Variants in ERBB4 observed in about 807,000 individuals in gnomAD.
ERBB4 encodes the protein erb-b2 receptor tyrosine kinase 4.
In ERBB4, 42 loss-of-function variants were observed where a neutral mutation model predicts 158.0. That is an observed-to-expected ratio of 0.27 (90% CI 0.21 to 0.34). The LOEUF is 0.34. Ranked by LOEUF, ERBB4 falls within the 10% of genes least tolerant of loss-of-function variation. The probability of loss-of-function intolerance (pLI) is 1.00; values close to 1 mark genes in which losing one functional copy is unlikely to be tolerated. For synonymous variants in ERBB4, 583 were observed against 558.7 expected (o/e 1.04, Z -0.61); for missense variants, 1,333 against 1,624.1 (o/e 0.82, Z 3.08).
intron 1 of ERBB4, among the ~76,000 whole-genome samples, chr2:212,512,621 A>G (rs1691587829): frequency 1.3e-5 from 2 of 152,182 alleles, no homozygotes; most frequent in Admixed American, 1.3e-4. Context: ...CAAAATTCTC[A>G]GTTTTAAAAA....
At chr2:212,447,084 C>T (rs2092371714) in intron 1 of ERBB4, among the ~76,000 whole-genome samples, 5 of 151,666 alleles carry the variant, frequency 3.3e-5, no homozygotes. Flanking sequence ...GCAAGCTCCG[C>T]CTCCTAGGTT....
chr2:212,530,622 C>G (rs1490393606), intron 1 of ERBB4, among the ~76,000 whole-genome samples: 2 of 152,190 alleles, frequency 1.3e-5, no homozygotes, highest in Non-Finnish European at 2.9e-5. Context: ...CCTGGAGAAT[C>G]TGTTGTCAAT....
intron 1 of ERBB4, among the ~76,000 whole-genome samples, chr2:212,214,837 CTAAA>C (rs1455089228): frequency 3.3e-5 from 5 of 151,532 alleles, no homozygotes; most frequent in Non-Finnish European, 7.4e-5. Flanking sequence ...GTAATAGCCC[CTAAA>C]TAGACACAAC....
chr2:211,455,694 A>C (rs1299863225), intron 20 of ERBB4, among the ~76,000 whole-genome samples: 1 of 152,130 alleles, frequency 6.6e-6, no homozygotes, highest in African/African-American at 2.4e-5. Flanking sequence ...GTTTTTCACT[A>C]TTTGAAGGAA....
rs1013602404 is a variant in ERBB4, at chr2:211,801,230, G to C, written c.422-13071C>G. 4.1e-4 allele frequency among the ~76,000 whole-genome samples: 63 copies of C among 152,082 alleles called. 3 individuals carry two copies. The highest frequency in any genetic ancestry group is 1.5e-5 in the Non-Finnish European group (1 of 67,994). On this transcript the variant is annotated intron_variant, in intron 3 of 27. Coordinates refer to ENST00000342788, the MANE Select transcript of ERBB4 (RefSeq NM_005235.3). Reference sequence around the variant, plus strand: ...TTCTAATCACTGTAAAGGTAAATTGGATTCATATGATGGGGAAAAAAAGGG... The same window carrying C: ...TTCTAATCACTGTAAAGGTAAATTGCATTCATATGATGGGGAAAAAAAGGG...
rs1574494515 is a variant in ERBB4, at chr2:211,378,866, T to C, written c.*4749A>G. The C allele has an allele frequency of 1.8e-5, 4 of 222,908 alleles. No individual in the cohort carries two copies. The East Asian group carries it at 2.5e-4, about 14-fold the overall frequency. 13.8% of individuals were successfully genotyped at this position (222,908 alleles called of 1,614,324 possible). A position where few individuals can be genotyped will look rare whatever the true frequency, so the allele number is the denominator to read the frequency against. ...GATCCTCTGCCCACAGTATATACAGTAGAAGTTAATTTATCTGTTTCTTTT... is the reference window on the plus strand; with the variant it reads ...GATCCTCTGCCCACAGTATATACAGCAGAAGTTAATTTATCTGTTTCTTTT... On this transcript the variant is annotated 3_prime_UTR_variant, in exon 28 of 28. Coordinates refer to ENST00000342788, the MANE Select transcript of ERBB4 (RefSeq NM_005235.3).
intron 3 of ERBB4, among the ~76,000 whole-genome samples, chr2:211,877,548 C>A (rs1031212235): frequency 3.3e-5 from 5 of 149,734 alleles, no homozygotes; most frequent in Non-Finnish European, 5.9e-5. Flanking sequence ...GATTATGCCG[C>A]CTTCCTCTTT....
intron 14 of ERBB4, among the ~76,000 whole-genome samples, chr2:211,668,821 C>T (rs1208740701): frequency 6.6e-6 from 1 of 152,094 alleles, no homozygotes; most frequent in Non-Finnish European, 1.5e-5. Flanking sequence ...TGCCATGACT[C>T]ACAGACCCCA....
At chr2:211,524,669 G>A (rs1044098431) in intron 20 of ERBB4, among the ~76,000 whole-genome samples, 2 of 147,590 alleles carry the variant, frequency 1.4e-5, no homozygotes, top group Non-Finnish European at 3.0e-5. Flanking sequence ...CGGCTGCTCC[G>A]AGTGCGGGGC....
chr2:212,219,846 A>G (rs746916784), intron 1 of ERBB4, among the ~76,000 whole-genome samples: 82 of 151,358 alleles, frequency 5.4e-4, no homozygotes, highest in Non-Finnish European at 2.7e-4. Flanking sequence ...GGTTTTGTCA[A>G]TGAAAACAAC....
At chr2:212,289,631 G>A (rs552977993) in intron 1 of ERBB4, among the ~76,000 whole-genome samples, 3 of 152,158 alleles carry the variant, frequency 2.0e-5, no homozygotes, top group Non-Finnish European at 4.4e-5. Flanking sequence ...CAGAAGAATT[G>A]GGCTCAATGG....
chr2:211,819,069 C>G (rs1032380770), intron 3 of ERBB4, among the ~76,000 whole-genome samples: 1 of 151,978 alleles, frequency 6.6e-6, no homozygotes, highest in Non-Finnish European at 1.5e-5. Context: ...AAGATAAAAC[C>G]CAAATAATCT....
At chr2:212,132,786 C>T (rs13384295) in intron 1 of ERBB4, among the ~76,000 whole-genome samples, 94,751 of 151,812 alleles carry the variant, frequency 0.62, 30,383 homozygotes, top group African/African-American at 0.67. Context: ...TGTGTGTGTG[C>T]GCGCTATATA....
At chr2:211,588,664 A>G (rs1479958520) in intron 19 of ERBB4, among the ~76,000 whole-genome samples, 2 of 152,100 alleles carry the variant, frequency 1.3e-5, no homozygotes, top group Non-Finnish European at 2.9e-5. Flanking sequence ...AAGTAACTTG[A>G]CCCAGGCCAC....
At chr2:212,283,300 C>T (rs2085828990) in intron 1 of ERBB4, among the ~76,000 whole-genome samples, 1 of 151,974 alleles carries the variant, frequency 6.6e-6, no homozygotes, top group African/African-American at 2.4e-5. Flanking sequence ...AGCATGGCAA[C>T]AGTCTCTCAT....
intron 20 of ERBB4, among the ~76,000 whole-genome samples, chr2:211,550,527 A>C (rs1203413435): frequency 6.7e-6 from 1 of 148,586 alleles, no homozygotes; most frequent in Non-Finnish European, 1.5e-5. Context: ...CCAGTTGCTT[A>C]TTTTGGGACT....
intron 7 of ERBB4, among the ~76,000 whole-genome samples, chr2:211,717,406 G>A (rs1304367755): frequency 1.3e-5 from 2 of 152,192 alleles, no homozygotes; most frequent in Non-Finnish European, 2.9e-5. Flanking sequence ...ACTTTAAAAT[G>A]CTAATTAAGA....
At chr2:211,651,834 C>T (rs2071000476) in intron 16 of ERBB4, among the ~76,000 whole-genome samples, 1 of 152,096 alleles carries the variant, frequency 6.6e-6, no homozygotes, top group African/African-American at 2.4e-5. Context: ...GTAGTGGACT[C>T]CAAGCTCTAG....
At chr2:211,551,480 T>C (rs2067095625) in intron 20 of ERBB4, among the ~76,000 whole-genome samples, 1 of 152,190 alleles carries the variant, frequency 6.6e-6, no homozygotes, top group South Asian at 2.1e-4. Context: ...CTTTATAAAA[T>C]ATAAAAATTT....
Sources: allele counts gnomAD v4.1 joint callset (sites outside exome capture counted in the v4.1 genomes callset), GRCh38; gene constraint gnomAD v4.1.1; transcripts MANE v1.5; gene names NCBI Gene and HGNC (gene_info 2026-07-23, HGNC 2026-07-21).